Variants in BRD10 observed in about 807,000 individuals in gnomAD.
BRD10 encodes uncharacterized bromodomain-containing protein 10.
the BRD10 span, chr9:5,891,172 C>T: frequency 6.6e-6 from 1 of 152,204 alleles, no homozygotes; most frequent in Admixed American, 6.5e-5. Flanking sequence ...AGGATGGCAT[C>T]TTGCTGGGGA....
At chr9:5,897,705 C>T in the BRD10 span, 1 of 1,437,018 alleles carries the variant, frequency 7.0e-7, no homozygotes, top group Non-Finnish European at 9.8e-7. Context: ...GCCCTCTTTC[C>T]AGTTCTTTCC....
chr9:5,973,350 T>A, the BRD10 span, among the ~76,000 whole-genome samples: 5 of 151,994 alleles, frequency 3.3e-5, no homozygotes. Flanking sequence ...GCCTGCAATC[T>A]CAGCTATTTA....
the BRD10 span, chr9:5,921,723 A>T: frequency 1.7e-5 from 27 of 1,613,766 alleles, no homozygotes; most frequent in African/African-American, 3.2e-4. Flanking sequence ...TTTTGTCCAA[A>T]ATTTGCTGCT....
chr9:5,956,460 T>C, the BRD10 span, among the ~76,000 whole-genome samples: 2 of 152,172 alleles, frequency 1.3e-5, no homozygotes. Flanking sequence ...ATAACAGCTA[T>C]CACATACAAG....
At chr9:5,906,214 C>CA in the BRD10 span, among the ~76,000 whole-genome samples, 170 of 146,692 alleles carry the variant, frequency 1.2e-3, no homozygotes, top group African/African-American at 4.1e-3. Flanking sequence ...GAAAGAAAAA[C>CA]AAAGTTTTAG....
the BRD10 span, among the ~76,000 whole-genome samples, chr9:5,883,930 G>A: frequency 2.0e-5 from 3 of 152,094 alleles, no homozygotes; most frequent in Non-Finnish European, 4.4e-5. Context: ...AGACACACTA[G>A]GCCTCACCCT....
the BRD10 span, among the ~76,000 whole-genome samples, chr9:5,989,969 A>G: frequency 5.3e-5 from 8 of 152,236 alleles, no homozygotes; most frequent in African/African-American, 1.7e-4. Flanking sequence ...CATGAACAGT[A>G]TGAGTGTAGG....
the BRD10 span, among the ~76,000 whole-genome samples, chr9:5,970,302 A>G: frequency 6.6e-6 from 1 of 152,222 alleles, no homozygotes; most frequent in Admixed American, 6.5e-5. Context: ...TAAATACAGA[A>G]AATGTCAGAA....
chr9:5,947,738 C>T, the BRD10 span, among the ~76,000 whole-genome samples: 2 of 151,864 alleles, frequency 1.3e-5, no homozygotes, highest in African/African-American at 4.8e-5. Context: ...CTTCTGCCTC[C>T]AAAATAAGGC....
chr9:5,943,338 G>A, the BRD10 span, among the ~76,000 whole-genome samples: 1 of 152,040 alleles, frequency 6.6e-6, no homozygotes, highest in Non-Finnish European at 1.5e-5. Context: ...ATTAAAAAAT[G>A]CTCTAATTTA....
the BRD10 span, among the ~76,000 whole-genome samples, chr9:5,912,919 T>C: frequency 6.6e-6 from 1 of 152,198 alleles, no homozygotes; most frequent in African/African-American, 2.4e-5. Flanking sequence ...ACTGTACAAA[T>C]AATAGTACTT....
the BRD10 span, among the ~76,000 whole-genome samples, chr9:6,006,366 A>T: frequency 1.3e-5 from 2 of 152,248 alleles, no homozygotes; most frequent in African/African-American, 2.4e-5. Context: ...ATTCCACTTC[A>T]ACTACCAATA....
At chr9:5,883,657 TCTCA>T in the BRD10 span, among the ~76,000 whole-genome samples, 1 of 151,756 alleles carries the variant, frequency 6.6e-6, no homozygotes, top group East Asian at 1.9e-4. Flanking sequence ...ACAGACAGGT[TCTCA>T]CTATCTCTCT....
chr9:5,964,390 C>A, the BRD10 span, among the ~76,000 whole-genome samples: 16 of 152,062 alleles, frequency 1.1e-4, no homozygotes, highest in East Asian at 5.8e-4. Context: ...GGCAATCATT[C>A]AAAAGTCAGG....
chr9:5,921,569 A>T, the BRD10 span: 1 of 1,613,958 alleles, frequency 6.2e-7, no homozygotes, highest in Non-Finnish European at 8.5e-7. Flanking sequence ...TGGAGCTGAT[A>T]CCAGCATAAG....
At chr9:5,937,230 A>AC in the BRD10 span, among the ~76,000 whole-genome samples, 1 of 141,328 alleles carries the variant, frequency 7.1e-6, no homozygotes, top group Non-Finnish European at 1.6e-5. Flanking sequence ...CTCTGCCTCA[A>AC]AAAAAAAAAA....
chr9:6,000,824 T>C, the BRD10 span, among the ~76,000 whole-genome samples: 2 of 152,232 alleles, frequency 1.3e-5, no homozygotes, highest in African/African-American at 4.8e-5. Context: ...CTTTTTTCTT[T>C]TCAGTTTGAA....
At chr9:5,883,742 G>A in the BRD10 span, among the ~76,000 whole-genome samples, 1 of 152,042 alleles carries the variant, frequency 6.6e-6, no homozygotes, top group African/African-American at 2.4e-5. Context: ...AAACTGCTGG[G>A]ATTACAGGCA....
chr9:5,880,469 C>A, the BRD10 span, among the ~76,000 whole-genome samples: 5 of 91,974 alleles, frequency 5.4e-5, no homozygotes, highest in African/African-American at 1.5e-4. Flanking sequence ...AGCTGAGATC[C>A]CGCCACTGCA....
Sources: allele counts gnomAD v4.1 joint callset (sites outside exome capture counted in the v4.1 genomes callset), GRCh38; gene constraint gnomAD v4.1.1; transcripts MANE v1.5; gene names NCBI Gene and HGNC (gene_info 2026-07-23, HGNC 2026-07-21).